Variants in DMD observed in about 807,000 individuals in gnomAD.
DMD encodes dystrophin.
In DMD, 63 loss-of-function variants were observed where a neutral mutation model predicts 330.1. The ratio of observed to expected loss-of-function variants is 0.19; its 90% confidence interval spans 0.16 to 0.24. The LOEUF (loss-of-function observed/expected upper bound fraction) is 0.24, where lower values mean the gene tolerates loss of function less well. Among genes scored for constraint, DMD ranks in the 10% least tolerant of loss-of-function variants. DMD has a pLI of 1.00. For synonymous variants in DMD, 1,223 were observed against 959.8 expected (o/e 1.27, Z -5.07); for missense variants, 3,344 against 2,684.1 (o/e 1.25, Z -5.43).
At chrX:32,885,386 C>T (rs2084416530) in intron 2 of DMD, among the ~76,000 whole-genome samples, 1 of 110,329 alleles carries the variant, frequency 9.1e-6, no homozygotes, top group Non-Finnish European at 1.9e-5. Context: ...CTTGGAACTG[C>T]ACTACTGATA....
At chrX:31,267,361 AT>A (rs1241234293) in intron 62 of DMD, among the ~76,000 whole-genome samples, 1 of 112,316 alleles carries the variant, frequency 8.9e-6, no homozygotes. Flanking sequence ...TCAGTTGAAG[AT>A]TAAAGTGGCC....
intron 47 of DMD, among the ~76,000 whole-genome samples, chrX:31,907,327 T>C (rs1056848031): frequency 8.9e-6 from 1 of 111,833 alleles, no homozygotes; most frequent in East Asian, 2.8e-4. Flanking sequence ...CTAAGGCTAC[T>C]GTAACCAAAA....
chrX:33,211,383 T>G lies in DMD; in HGVS notation c.-71A>C. Reference sequence around the variant, plus strand: ...AGTTCTTCAAACTTTATTGCTCCAGTAGGCTTAAAAACAATGAGAAACCAA... The same window carrying G: ...AGTTCTTCAAACTTTATTGCTCCAGGAGGCTTAAAAACAATGAGAAACCAA... On this transcript the variant is annotated 5_prime_UTR_variant, in exon 1 of 79. Transcript: ENST00000357033. 3 of 1,187,745 alleles carry G rather than the reference T, an allele frequency of 2.5e-6. No homozygotes were observed. Among genetic ancestry groups the G allele is most frequent in the Non-Finnish European group, 3.4e-6 (3 of 881,907 alleles).
At chrX:31,892,728 G>A (rs2094274202) in intron 47 of DMD, among the ~76,000 whole-genome samples, 1 of 111,504 alleles carries the variant, frequency 9.0e-6, no homozygotes, top group South Asian at 3.7e-4. Context: ...GCAAGTACTC[G>A]TGCATCTAAA....
At chrX:33,017,937 T>C (rs985284454) in intron 2 of DMD, among the ~76,000 whole-genome samples, 6 of 112,229 alleles carry the variant, frequency 5.3e-5, no homozygotes, top group South Asian at 3.6e-4. Flanking sequence ...GATATATATA[T>C]CACAATTATG....
intron 1 of DMD, among the ~76,000 whole-genome samples, chrX:33,290,050 T>C (rs755764001): frequency 7.3e-4 from 82 of 111,802 alleles, no homozygotes; most frequent in African/African-American, 2.5e-3. Flanking sequence ...CTCCTCCTTA[T>C]ATATTTCTCA....
At chrX:32,528,787 C>T (rs769910651) in intron 17 of DMD, among the ~76,000 whole-genome samples, 1 of 110,984 alleles carries the variant, frequency 9.0e-6, no homozygotes, top group Non-Finnish European at 1.9e-5. Flanking sequence ...CTATTGATCC[C>T]AGGTCTTTAG....
chrX:33,080,559 A>AT (rs1048033008), intron 1 of DMD, among the ~76,000 whole-genome samples: 3 of 111,953 alleles, frequency 2.7e-5, no homozygotes, highest in Non-Finnish European at 5.6e-5. Context: ...GAAAAACCTG[A>AT]TAAAAAAGCT....
intron 60 of DMD, among the ~76,000 whole-genome samples, chrX:31,383,848 C>T (rs1219964824): frequency 8.9e-6 from 1 of 111,760 alleles, no homozygotes; most frequent in East Asian, 2.8e-4. Context: ...GTCCCCTTTT[C>T]AGCTCCTTTT....
intron 61 of DMD, among the ~76,000 whole-genome samples, chrX:31,336,110 C>T (rs1173977419): frequency 8.9e-6 from 1 of 112,658 alleles, no homozygotes; most frequent in Non-Finnish European, 1.9e-5. Flanking sequence ...TCCCTTTCAT[C>T]GAGAGACTAA....
At chrX:33,006,085 A>C (rs1723365097) in intron 2 of DMD, among the ~76,000 whole-genome samples, 2 of 111,746 alleles carry the variant, frequency 1.8e-5, no homozygotes, top group South Asian at 7.3e-4. Context: ...ACTCTGATGA[A>C]AGTTATCAGA....
intron 44 of DMD, among the ~76,000 whole-genome samples, chrX:32,154,773 G>C (rs989480815): frequency 4.5e-5 from 5 of 110,562 alleles, no homozygotes; most frequent in African/African-American, 1.6e-4. Flanking sequence ...GTTAATTGCC[G>C]TCTTAACACA....
rs34229635 is a variant in DMD, at chrX:31,739,842, C to CA, written c.7543-10095dup. Among the ~76,000 whole-genome samples the CA allele has an allele frequency of 5.4e-3, 456 of 84,095 alleles. 3 individuals carry two copies. The highest frequency in any genetic ancestry group is 0.014 in the African/African-American group (335 of 23,639). 73.0% of individuals were successfully genotyped at this position (84,095 alleles called of 115,157 possible). On this transcript the variant is annotated intron_variant, in intron 51 of 78. Coordinates refer to ENST00000357033, the MANE Select transcript of DMD (RefSeq NM_004006.3). ...AAATAAAAAAAGAGCATAGTAATCT[C>CA]AAAAAAAAAAAAAAAACCTCTTAAG...
chrX:32,734,570 T>A (rs1364039124), intron 7 of DMD, among the ~76,000 whole-genome samples: 1 of 103,275 alleles, frequency 9.7e-6, no homozygotes, highest in South Asian at 4.5e-4. Flanking sequence ...TCCACCATGA[T>A]CAAGTGGGCT....
chrX:31,138,845 G>C (rs2035675369), intron 76 of DMD, among the ~76,000 whole-genome samples: 2 of 111,132 alleles, frequency 1.8e-5, no homozygotes, highest in South Asian at 7.7e-4. Flanking sequence ...ATGAGATTTA[G>C]GTGGGAACAC....
chrX:33,244,745 G>A (rs960605223), intron 1 of DMD, among the ~76,000 whole-genome samples: 1 of 111,606 alleles, frequency 9.0e-6, no homozygotes, highest in African/African-American at 3.3e-5. Flanking sequence ...GCACAGCTGA[G>A]CTTCCCAAAT....
intron 55 of DMD, among the ~76,000 whole-genome samples, chrX:31,589,098 T>TAA (rs58975023): frequency 1.0e-3 from 102 of 100,601 alleles, no homozygotes; most frequent in South Asian, 2.7e-3. Context: ...GTCATGCAAG[T>TAA]AAAAAAAAAA....
rs185646365 is a variant in DMD, at chrX:31,859,970, C to A, written c.7098+15218G>T. The stretch of plus-strand genomic sequence containing the variant: ...TCCCCTGGGCATTATAGTTAGTAAA[C>A]CAGGTGGTCCATTCATCCACTTAAG... On this transcript the variant is annotated intron_variant, in intron 48 of 78. Transcript: ENST00000357033. Among the ~76,000 whole-genome samples the A allele has an allele frequency of 1.2e-3, 132 of 111,777 alleles. 1 individual carries two copies. The highest frequency in any genetic ancestry group is 4.2e-3 in the African/African-American group (129 of 30,778).
At chrX:32,489,388 A>C (rs2042779461) in intron 20 of DMD, among the ~76,000 whole-genome samples, 1 of 110,659 alleles carries the variant, frequency 9.0e-6, no homozygotes, top group South Asian at 3.9e-4. Context: ...GGCTTTATAA[A>C]AGGAGGCAGA....
Sources: gnomAD v4.1 joint callset for allele counts (sites outside exome capture counted in the v4.1 genomes callset) on GRCh38, gnomAD v4.1.1 for gene constraint, MANE v1.5 for transcripts, NCBI Gene and HGNC (gene_info 2026-07-23, HGNC 2026-07-21) for gene names.